Variants in GIGYF2 observed in about 807,000 individuals in gnomAD.
GIGYF2 encodes the protein GRB10-interacting GYF protein 2.
GIGYF2 carries 25 observed loss-of-function variants against 208.1 expected under a neutral mutation model. The ratio of observed to expected loss-of-function variants is 0.12; its 90% CI spans 0.09 to 0.17. The LOEUF is 0.17. GIGYF2 is among the 10% of genes least tolerant of loss of function. GIGYF2 has a pLI of 1.00. For missense variants in GIGYF2, 1,302 were observed against 1,579.4 expected (o/e 0.82, Z 2.98); for synonymous variants, 534 against 543.8 (o/e 0.98, Z 0.25).
intron 15 of GIGYF2, among the ~76,000 whole-genome samples, chr2:232,809,145 A>AT (rs1331715298): frequency 5.9e-5 from 9 of 152,190 alleles, no homozygotes; most frequent in Admixed American, 2.0e-4. Flanking sequence ...GGGTTTCATC[A>AT]TGTTGGCCAG....
At position 232,806,500 on chromosome 2, in the gene GIGYF2, A is replaced by G. The variant is rs772545781; in HGVS notation, c.1649A>G (p.Asn550Ser). The G allele has an allele frequency of 1.0e-5, 16 of 1,605,136 alleles. No homozygotes were observed. Among genetic ancestry groups the G allele is most frequent in the South Asian group, 9.9e-5 (9 of 90,898 alleles). Residue 550 changes from asparagine to serine, a missense_variant, in exon 15 of 29, where the codon AAT becomes AGT. Asn to Ser is a conservative substitution (Grantham distance 46). This residue lies in a region of GIGYF2 where 69 missense variants were observed against 132.8 expected (regional missense o/e 0.52). Transcript: ENST00000373563. The surrounding 1 kb of genome is among the most constrained non-coding windows in gnomAD (Gnocchi z 4.0). ...ATTGGTGCTGTTATAGGTCCCTTCA[A>G]TAATCAGGAGATGGCAGAATGGTTT... is the stretch of plus-strand genomic sequence containing the variant. ...DPQGEIQGPF[N>S]NQEMAEWFQA...
intron 8 of GIGYF2, among the ~76,000 whole-genome samples, chr2:232,776,179 C>A (rs1400756229): frequency 6.6e-6 from 1 of 151,816 alleles, no homozygotes; most frequent in African/African-American, 2.4e-5. Flanking sequence ...AGGCCTTTAT[C>A]CTCTACTGAT....
At chr2:232,705,368 T>A (rs1338273877) in intron 2 of GIGYF2, 1 of 152,180 alleles carries the variant, frequency 6.6e-6, no homozygotes, top group East Asian at 1.9e-4. Context: ...TAAAGCAAAC[T>A]TTTTTAATGG....
rs61323973 is a variant in GIGYF2 at position 232,773,910 on chromosome 2, TAAAAAAAAAA to T, written c.532+12488_532+12497del. Among the ~76,000 whole-genome samples, 744 of 112,790 alleles carry T rather than the reference TAAAAAAAAAA, an allele frequency of 6.6e-3. 4 individuals carry two copies. The highest frequency in any genetic ancestry group is 0.023 in the African/African-American group (719 of 31,528). 74.0% of individuals were successfully genotyped at this position (112,790 alleles called of 152,430 possible). On this transcript the variant is annotated intron_variant, in intron 8 of 28. Coordinates refer to ENST00000373563, the MANE Select transcript of GIGYF2 (RefSeq NM_001103146.3). ...AACGTAGTGAGACTTTGTCTCTATT[TAAAAAAAAAA>T]AAAAAAAAAAAAAGGTGTCTTAAGT...
intron 9 of GIGYF2, among the ~76,000 whole-genome samples, chr2:232,788,854 AT>A (rs1699992207): frequency 6.6e-6 from 1 of 151,748 alleles, no homozygotes; most frequent in South Asian, 2.1e-4. Flanking sequence ...AAATCCATAT[AT>A]TTTTAAAAGA....
chr2:232,792,157 C>G (rs1023985211), intron 12 of GIGYF2, among the ~76,000 whole-genome samples: 1 of 152,150 alleles, frequency 6.6e-6, no homozygotes, highest in Admixed American at 6.6e-5. Flanking sequence ...GTTCTACTTA[C>G]CAGCCTCAAA....
chr2:232,766,659 T>C (rs1698976083), intron 8 of GIGYF2: 1 of 152,346 alleles, frequency 6.6e-6, no homozygotes. Context: ...TTCTGTGTTC[T>C]TGATATTCTT....
chr2:232,859,792 A>G lies in GIGYF2; in HGVS notation c.*2932A>G, dbSNP rs907754415. 1.3e-5 allele frequency: 2 copies of G among 152,196 alleles called. No homozygotes were observed. The highest frequency in any genetic ancestry group is 2.9e-5 in the Non-Finnish European group (2 of 68,052). 9.4% of individuals were successfully genotyped at this position (152,196 alleles called of 1,614,324 possible). ...GCTGGGTTGATGACTGGAGGAGCTT[A>G]TGTGTGTCGTCTCCGGAATGGCAGC... On this transcript the variant is annotated 3_prime_UTR_variant, in exon 29 of 29. Transcript: ENST00000373563.
intron 5 of GIGYF2, among the ~76,000 whole-genome samples, chr2:232,752,926 A>G (rs1393400861): frequency 1.3e-5 from 2 of 151,896 alleles, no homozygotes; most frequent in Non-Finnish European, 2.9e-5. Context: ...GACTCACCCA[A>G]ACTCTGCCAC....
intron 12 of GIGYF2, among the ~76,000 whole-genome samples, chr2:232,794,328 TACTG>T (rs557618052): frequency 2.4e-4 from 36 of 152,344 alleles, no homozygotes; most frequent in Non-Finnish European, 4.4e-5. Flanking sequence ...AACAGGTACT[TACTG>T]AGCATAATCA....
chr2:232,820,997 A>T (rs1243030316), intron 21 of GIGYF2, among the ~76,000 whole-genome samples: 1 of 151,596 alleles, frequency 6.6e-6, no homozygotes, highest in African/African-American at 2.4e-5. Context: ...CGTCTGGCTA[A>T]TTTTTTTGTA....
intron 8 of GIGYF2, among the ~76,000 whole-genome samples, chr2:232,763,522 A>G (rs1698828552): frequency 6.6e-6 from 1 of 152,140 alleles, no homozygotes; most frequent in Non-Finnish European, 1.5e-5. Flanking sequence ...ATAACAATAT[A>G]CTGTAATAAA....
intron 18 of GIGYF2, among the ~76,000 whole-genome samples, chr2:232,812,751 A>G (rs2106386647): frequency 6.6e-6 from 1 of 152,218 alleles, no homozygotes; most frequent in Middle Eastern, 3.4e-3. Context: ...AGTGTGGAAA[A>G]ATCATTTAAA....
At chr2:232,781,336 A>G (rs1429692289) in intron 8 of GIGYF2, among the ~76,000 whole-genome samples, 1 of 143,064 alleles carries the variant, frequency 7.0e-6, no homozygotes, top group Non-Finnish European at 1.5e-5. Context: ...TATAAAGATA[A>G]TGGTCTCCTT....
chr2:232,739,681 A>T (rs543234780), intron 3 of GIGYF2, among the ~76,000 whole-genome samples: 1 of 152,232 alleles, frequency 6.6e-6, no homozygotes, highest in Admixed American at 6.5e-5. Flanking sequence ...CCCAAAAAGG[A>T]AAAGAAAACA....
chr2:232,806,304 A>G lies in GIGYF2; in HGVS notation c.1640-187A>G, dbSNP rs893144401. ...GATAATTTGGGATGTATAAACACAGACTTTATTTAAAAATTATTTTAGTAG... is the reference window on the plus strand; with the variant it reads ...GATAATTTGGGATGTATAAACACAGGCTTTATTTAAAAATTATTTTAGTAG... On this transcript the variant is annotated intron_variant, in intron 14 of 28. Coordinates refer to ENST00000373563, the MANE Select transcript of GIGYF2 (RefSeq NM_001103146.3). The surrounding 1 kb of genome is among the most constrained non-coding windows in gnomAD (Gnocchi z 4.0). Among the ~76,000 whole-genome samples the G allele has an allele frequency of 2.0e-5, 3 of 152,250 alleles. No individual in the cohort carries two copies. The highest frequency in any genetic ancestry group is 7.2e-5 in the African/African-American group (3 of 41,464).
chr2:232,747,572 A>G (rs1191217494), intron 3 of GIGYF2, 43 bp from the exon 4 acceptor site: 3 of 1,611,700 alleles, frequency 1.9e-6, no homozygotes, highest in Non-Finnish European at 2.5e-6. Flanking sequence ...AAAAGTCTGT[A>G]GCACCAGAAT....
At chr2:232,747,551 TGTATA>T in intron 3 of GIGYF2, 59 bp from the exon 4 acceptor site, 1 of 1,565,344 alleles carries the variant, frequency 6.4e-7, no homozygotes, top group Non-Finnish European at 8.8e-7. Context: ...TTTTTGACAG[TGTATA>T]GTATAAAAAG....
chr2:232,760,585 A>T lies in GIGYF2; in HGVS notation c.485A>T (p.Glu162Val). 1.2e-6 allele frequency: 2 copies of T among 1,601,172 alleles called. No homozygotes were observed. Among genetic ancestry groups the T allele is most frequent in the Non-Finnish European group, 1.7e-6 (2 of 1,168,492 alleles). Residue 162 changes from glutamate (E) to valine (V), a missense_variant, in exon 7 of 29, where the codon GAG becomes GTG. Physicochemically the swap from Glu to Val is moderately radical, Grantham distance 121. Coordinates refer to ENST00000373563, the MANE Select transcript of GIGYF2 (RefSeq NM_001103146.3). Reference protein sequence around the residue: ...GREMHRSQSWEERGDRRFEKP... With the variant: ...GREMHRSQSWVERGDRRFEKP... ...GAAATGCATAGATCGCAGAGCTGGG[A>T]GGAAAGGTAACTGGATCCACATATT...
Sources: gnomAD v4.1 joint callset for allele counts (sites outside exome capture counted in the v4.1 genomes callset) on GRCh38, gnomAD v4.1.1 for gene constraint, gnomAD v4.1.1 regional missense constraint, Gnocchi (gnomAD v3.1) non-coding constraint, MANE v1.5 for transcripts, NCBI Gene and HGNC (gene_info 2026-07-23, HGNC 2026-07-21) for gene names.